DOCK3: variants seen among roughly 807,000 people sequenced by gnomAD.
DOCK3 encodes dedicator of cytokinesis 3.
Under a neutral mutation model 265.6 loss-of-function variants are expected in DOCK3, and 60 were observed. The observed-to-expected ratio is 0.23, with a 90% CI of 0.18 to 0.28. DOCK3 has a LOEUF of 0.28. Ranked by LOEUF, DOCK3 falls within the 10% of genes least tolerant of loss-of-function variation. DOCK3 has a pLI of 1.00. For missense variants in DOCK3, 1,981 were observed against 2,594.3 expected (o/e 0.76, Z 5.14); for synonymous variants, 881 against 938.0 (o/e 0.94, Z 1.11).
intron 7 of DOCK3, among the ~76,000 whole-genome samples, chr3:51,083,198 A>G (rs575448666): frequency 8.3e-4 from 126 of 152,316 alleles, no homozygotes; most frequent in African/African-American, 2.9e-3. Context: ...GACACTGATT[A>G]TAGCTGAAGA....
At chr3:50,685,123 A>G (rs933247842) in intron 1 of DOCK3, among the ~76,000 whole-genome samples, 3 of 152,132 alleles carry the variant, frequency 2.0e-5, no homozygotes, top group South Asian at 2.1e-4. Flanking sequence ...TAAATCTATT[A>G]TACTTTGAAC....
intron 1 of DOCK3, among the ~76,000 whole-genome samples, chr3:50,752,516 A>AG (rs1487688654): frequency 5.0e-5 from 2 of 40,112 alleles, no homozygotes; most frequent in African/African-American, 1.2e-4. Flanking sequence ...TCAAAAAAAA[A>AG]AAAAAAACAA....
intron 1 of DOCK3, among the ~76,000 whole-genome samples, chr3:50,752,286 G>A (rs889234098): frequency 2.0e-5 from 3 of 151,976 alleles, no homozygotes; most frequent in African/African-American, 7.3e-5. Context: ...CGAGGCAGGC[G>A]GATCATGAGG....
At chr3:50,909,149 G>T (rs951549897) in intron 4 of DOCK3, among the ~76,000 whole-genome samples, 1 of 151,896 alleles carries the variant, frequency 6.6e-6, no homozygotes, top group African/African-American at 2.4e-5. Context: ...GCATACCAAT[G>T]GTCTTAACTT....
At chr3:51,335,523 G>T (rs1560457310) in intron 35 of DOCK3, among the ~76,000 whole-genome samples, 1 of 152,168 alleles carries the variant, frequency 6.6e-6, no homozygotes, top group African/African-American at 2.4e-5. Context: ...TACAAAAGAG[G>T]ACCAGCTCCT....
intron 5 of DOCK3, among the ~76,000 whole-genome samples, chr3:50,976,083 C>A (rs1225915048): frequency 2.0e-5 from 3 of 150,604 alleles, no homozygotes; most frequent in Non-Finnish European, 4.4e-5. Flanking sequence ...TTGATCCTTT[C>A]AAAAAACCAG....
chr3:50,741,094 A>G (rs1397329618), intron 1 of DOCK3, among the ~76,000 whole-genome samples: 1 of 151,716 alleles, frequency 6.6e-6, no homozygotes, highest in African/African-American at 2.4e-5. Context: ...TCACGGTTCT[A>G]TATCATGTGC....
intron 2 of DOCK3, among the ~76,000 whole-genome samples, chr3:50,840,937 G>A (rs1027340870): frequency 6.6e-6 from 1 of 152,064 alleles, no homozygotes; most frequent in Non-Finnish European, 1.5e-5. Context: ...AACTCTCAAC[G>A]ATAACCTCTC....
intron 5 of DOCK3, among the ~76,000 whole-genome samples, chr3:51,058,360 A>C (rs977827170): frequency 2.6e-5 from 4 of 152,202 alleles, no homozygotes; most frequent in African/African-American, 7.2e-5. Flanking sequence ...ACCACTTGTC[A>C]TGGGAGATAT....
intron 1 of DOCK3, among the ~76,000 whole-genome samples, chr3:50,777,980 T>C (rs1200865189): frequency 6.6e-6 from 1 of 152,182 alleles, no homozygotes; most frequent in African/African-American, 2.4e-5. Context: ...GGCATCCTTA[T>C]CTTGTTCCAG....
intron 3 of DOCK3, among the ~76,000 whole-genome samples, chr3:50,861,199 C>CT (rs1330831897): frequency 2.0e-5 from 3 of 152,034 alleles, no homozygotes; most frequent in Non-Finnish European, 4.4e-5. Flanking sequence ...TCTTGCTTTT[C>CT]TTTGTTCTCT....
intron 1 of DOCK3, among the ~76,000 whole-genome samples, chr3:50,755,471 C>G (rs2040102332): frequency 6.6e-6 from 1 of 152,132 alleles, no homozygotes; most frequent in African/African-American, 2.4e-5. Flanking sequence ...TTGCAAGTGA[C>G]TTTTTGAGTA....
chr3:51,205,530 C>CA (rs113675443), intron 12 of DOCK3, among the ~76,000 whole-genome samples: 4,240 of 104,266 alleles, frequency 0.041, 212 homozygotes, highest in African/African-American at 0.13. Flanking sequence ...CTTATCTCTA[C>CA]AAAAAAAAAA....
rs2088805492 is a variant in DOCK3 at position 51,383,685 on chromosome 3, C to G, written c.*2126C>G. 1 of 152,464 alleles carries G rather than the reference C, an allele frequency of 6.6e-6. No homozygotes were observed. The highest frequency in any genetic ancestry group is 1.5e-5 in the Non-Finnish European group (1 of 68,036). 9.4% of individuals were successfully genotyped at this position (152,464 alleles called of 1,614,324 possible). ...AAATGAAAAGGACACATTCTGAAAT[C>G]CCTTTTGTTGGAGAATAAGTCAGTC... On this transcript the variant is annotated 3_prime_UTR_variant, in exon 53 of 53. Transcript: ENST00000266037.
At chr3:51,235,555 C>G (rs1001999540) in intron 19 of DOCK3, among the ~76,000 whole-genome samples, 1 of 152,166 alleles carries the variant, frequency 6.6e-6, no homozygotes, top group Non-Finnish European at 1.5e-5. Context: ...TGACCCAACC[C>G]CAAAGACCAT....
chr3:50,968,216 G>C (rs1321646618), intron 5 of DOCK3, among the ~76,000 whole-genome samples: 1 of 152,090 alleles, frequency 6.6e-6, no homozygotes, highest in Non-Finnish European at 1.5e-5. Context: ...ACCCAGGCTG[G>C]AGTGCAGTGG....
chr3:51,329,588 G>C (rs1191470636), intron 32 of DOCK3, among the ~76,000 whole-genome samples: 13 of 152,132 alleles, frequency 8.5e-5, no homozygotes, highest in Admixed American at 8.5e-4. Flanking sequence ...CAGCCTCAAG[G>C]GCTCTAGGTT....
intron 2 of DOCK3, among the ~76,000 whole-genome samples, chr3:50,798,265 T>C (rs1008152067): frequency 6.6e-6 from 1 of 152,144 alleles, no homozygotes; most frequent in African/African-American, 2.4e-5. Context: ...AAAAACCAGG[T>C]CTCGCTATGG....
intron 1 of DOCK3, among the ~76,000 whole-genome samples, chr3:50,698,920 A>T (rs1462807703): frequency 6.6e-6 from 1 of 151,958 alleles, no homozygotes; most frequent in African/African-American, 2.4e-5. Flanking sequence ...CAGATAAGTG[A>T]TTTACAGATT....
Sources: gnomAD v4.1 joint callset for allele counts (sites outside exome capture counted in the v4.1 genomes callset) on GRCh38, gnomAD v4.1.1 for gene constraint, MANE v1.5 for transcripts, NCBI Gene and HGNC (gene_info 2026-07-23, HGNC 2026-07-21) for gene names.